Variants in RASGRF2 observed in about 807,000 individuals in gnomAD.
RASGRF2 encodes ras-specific guanine nucleotide-releasing factor 2.
Under a neutral mutation model 151.0 loss-of-function variants are expected in RASGRF2, and 76 were observed. That is an observed-to-expected ratio of 0.50 (90% CI 0.42 to 0.61). RASGRF2 has a LOEUF of 0.61. Ranked by LOEUF, RASGRF2 falls within the 20% of genes least tolerant of loss-of-function variation. The pLI, the probability that RASGRF2 is intolerant of heterozygous loss-of-function variation, is 0.00. For missense variants in RASGRF2, 1,148 were observed against 1,564.6 expected (o/e 0.73, Z 4.49); for synonymous variants, 504 against 566.5 (o/e 0.89, Z 1.57).
chr5:81,027,033 G>C (rs1016514759), intron 1 of RASGRF2, among the ~76,000 whole-genome samples: 3 of 152,108 alleles, frequency 2.0e-5, no homozygotes, highest in African/African-American at 7.2e-5. Context: ...ATTTTTAAAA[G>C]TTGAGATATA....
intron 17 of RASGRF2, among the ~76,000 whole-genome samples, chr5:81,133,519 A>C (rs1234174669): frequency 6.6e-6 from 1 of 152,236 alleles, no homozygotes; most frequent in Admixed American, 6.5e-5. Context: ...TCAATGAATA[A>C]ATATATCAGA....
Position 81,229,755 on chromosome 5 carries a change from A to G in RASGRF2, c.*3985A>G, listed in dbSNP as rs1756071480. On this transcript the variant is annotated 3_prime_UTR_variant, in exon 27 of 27. Transcript: ENST00000265080. ...CCCTGAGTCCTAGGCCCAGTCTCCA[A>G]CTGGAAAACCTTAGGCTGGTGTTTA... 2 of 152,250 alleles carry G rather than the reference A, an allele frequency of 1.3e-5. No homozygotes were observed. The highest frequency in any genetic ancestry group is 2.1e-4 in the South Asian group (1 of 4,830). 9.4% of individuals were successfully genotyped at this position (152,250 alleles called of 1,614,324 possible).
chr5:81,088,017 T>TA (rs1752288835), intron 9 of RASGRF2: 1 of 152,312 alleles, frequency 6.6e-6, no homozygotes, highest in African/African-American at 2.4e-5. Flanking sequence ...ACACATATGT[T>TA]AAAGTTTGGG....
At chr5:81,116,147 A>G (rs1000286604) in intron 15 of RASGRF2, among the ~76,000 whole-genome samples, 1 of 131,566 alleles carries the variant, frequency 7.6e-6, no homozygotes, top group African/African-American at 3.0e-5. Context: ...CAGTGGCACA[A>G]TCTTGACTCA....
chr5:80,994,228 T>C (rs1748751438), intron 1 of RASGRF2, among the ~76,000 whole-genome samples: 1 of 151,728 alleles, frequency 6.6e-6, no homozygotes, highest in Middle Eastern at 3.4e-3. Flanking sequence ...TAGCCAGGCG[T>C]GGTGGTAGGC....
Position 81,219,720 on chromosome 5 carries a change from T to C in RASGRF2, c.3563T>C (p.Ile1188Thr). The C allele has an allele frequency of 6.2e-7, 1 of 1,609,492 alleles. No individual in the cohort carries two copies. Among genetic ancestry groups the C allele is most frequent in the Non-Finnish European group, 8.5e-7 (1 of 1,175,870 alleles). The change falls in exon 26 of 27, where the codon ATC becomes ACC. Residue 1188 changes from isoleucine to threonine, a missense_variant. Coordinates refer to ENST00000265080, the MANE Select transcript of RASGRF2 (RefSeq NM_006909.3). ...TTTTTTCTCTGTTAGATATCACACA[T>C]CATCAGAGAGATACGCCAGTTCCAG... The part of the protein sequence containing the change: ...NFSKMRMISH[I>T]IREIRQFQQT...
intron 1 of RASGRF2, among the ~76,000 whole-genome samples, chr5:80,994,180 A>G (rs1429829682): frequency 6.6e-6 from 1 of 152,010 alleles, no homozygotes; most frequent in African/African-American, 2.4e-5. Context: ...CCTGGCTAAC[A>G]CGGTGAAACC....
At chr5:80,981,728 G>C (rs1015313943) in intron 1 of RASGRF2, among the ~76,000 whole-genome samples, 1 of 152,144 alleles carries the variant, frequency 6.6e-6, no homozygotes, top group Non-Finnish European at 1.5e-5. Context: ...ATCACACGTG[G>C]CTAATTTTTG....
chr5:81,094,433 C>A, intron 11 of RASGRF2, 71 bp downstream of exon 11: 1 of 1,396,192 alleles, frequency 7.2e-7, no homozygotes, highest in Non-Finnish European at 9.9e-7. Context: ...GGATAAACTC[C>A]CTAAAGTCAT....
intron 2 of RASGRF2, among the ~76,000 whole-genome samples, chr5:81,043,975 T>C (rs997274531): frequency 1.3e-5 from 2 of 152,224 alleles, no homozygotes; most frequent in African/African-American, 2.4e-5. Context: ...TTTTTTAATA[T>C]AGTGAATGTG....
chr5:81,183,219 A>C, intron 18 of RASGRF2: 1 of 982,524 alleles, frequency 1.0e-6, no homozygotes, highest in Non-Finnish European at 1.2e-6. Flanking sequence ...AAAGCTGTAG[A>C]TCCACATCAA....
chr5:81,049,634 C>T (rs993595631), intron 2 of RASGRF2, among the ~76,000 whole-genome samples: 3 of 152,090 alleles, frequency 2.0e-5, no homozygotes, highest in African/African-American at 4.8e-5. Flanking sequence ...AGACTTAGGT[C>T]GTGTAGATAG....
intron 19 of RASGRF2, among the ~76,000 whole-genome samples, chr5:81,204,484 C>A (rs1448115129): frequency 2.0e-5 from 3 of 152,140 alleles, no homozygotes; most frequent in Non-Finnish European, 2.9e-5. Context: ...AATGAAGCCT[C>A]CCTGACTCAC....
intron 7 of RASGRF2, among the ~76,000 whole-genome samples, chr5:81,085,553 C>T (rs1360648290): frequency 6.6e-6 from 1 of 152,112 alleles, no homozygotes; most frequent in Non-Finnish European, 1.5e-5. Context: ...AAGAAACAAC[C>T]ATCTCTTTGT....
At chr5:81,211,133 G>T (rs1202557482) in intron 22 of RASGRF2, among the ~76,000 whole-genome samples, 5 of 133,416 alleles carry the variant, frequency 3.7e-5, no homozygotes, top group Non-Finnish European at 6.3e-5. Context: ...AATAGAGCAA[G>T]ATCCTGTCTC....
chr5:81,074,866 G>A (rs1388478159), intron 5 of RASGRF2, among the ~76,000 whole-genome samples: 7 of 152,168 alleles, frequency 4.6e-5, no homozygotes, highest in African/African-American at 7.2e-5. Flanking sequence ...TCACGTGCCC[G>A]GCAGTCCAGC....
At chr5:81,098,783 T>C (rs556040715) in intron 12 of RASGRF2, among the ~76,000 whole-genome samples, 1 of 152,324 alleles carries the variant, frequency 6.6e-6, no homozygotes, top group East Asian at 1.9e-4. Flanking sequence ...GCTGGCTTTG[T>C]TCTCTGCTTC....
intron 17 of RASGRF2, among the ~76,000 whole-genome samples, chr5:81,151,002 G>A (rs372299768): frequency 6.6e-6 from 1 of 152,310 alleles, no homozygotes; most frequent in South Asian, 2.1e-4. Flanking sequence ...AGAAATGTTA[G>A]TGTAGACAGT....
intron 12 of RASGRF2, among the ~76,000 whole-genome samples, chr5:81,102,060 T>A (rs72771109): frequency 3.9e-5 from 6 of 152,308 alleles, no homozygotes; most frequent in Non-Finnish European, 7.3e-5. Flanking sequence ...AATTAAAAAA[T>A]TTTAATGCGT....
Sources: gnomAD v4.1 joint callset for allele counts (sites outside exome capture counted in the v4.1 genomes callset) on GRCh38, gnomAD v4.1.1 for gene constraint, MANE v1.5 for transcripts, NCBI Gene and HGNC (gene_info 2026-07-23, HGNC 2026-07-21) for gene names.